The following DENND5B variants were observed in gnomAD, a reference collection of about 807,000 sequenced individuals.
DENND5B encodes DENN domain containing 5B, also known as DENN domain-containing protein 5B.
In DENND5B, 34 loss-of-function variants were observed where a neutral mutation model predicts 140.6. That is an observed-to-expected ratio of 0.24 (90% CI 0.18 to 0.32). DENND5B has a LOEUF of 0.32. Among genes scored for constraint, DENND5B ranks in the 10% least tolerant of loss-of-function variants. DENND5B has a pLI of 1.00. For synonymous variants in DENND5B, 551 were observed against 562.1 expected (o/e 0.98, Z 0.28); for missense variants, 1,142 against 1,560.2 (o/e 0.73, Z 4.52).
At chr12:31,467,689 T>C (rs915088920) in intron 3 of DENND5B, among the ~76,000 whole-genome samples, 1 of 152,166 alleles carries the variant, frequency 6.6e-6, no homozygotes, top group Non-Finnish European at 1.5e-5. Context: ...TAAAAATGTC[T>C]AATTTGAGGG....
intron 13 of DENND5B, among the ~76,000 whole-genome samples, chr12:31,411,340 T>C (rs1942451901): frequency 7.1e-6 from 1 of 140,666 alleles, no homozygotes; most frequent in Non-Finnish European, 1.6e-5. Flanking sequence ...CCCGGCCTTT[T>C]TTTTTTTTTT....
At chr12:31,479,429 G>C (rs1410938186) in intron 3 of DENND5B, among the ~76,000 whole-genome samples, 160 bp downstream of exon 3, 2 of 152,206 alleles carry the variant, frequency 1.3e-5, no homozygotes, top group Admixed American at 6.5e-5. Context: ...AGAAACAGCA[G>C]TCTCATCTCA....
At chr12:31,464,849 G>A (rs1358809626) in intron 3 of DENND5B, among the ~76,000 whole-genome samples, 1 of 152,186 alleles carries the variant, frequency 6.6e-6, no homozygotes, top group Non-Finnish European at 1.5e-5. Flanking sequence ...ACAGGCATGA[G>A]CCACTGTGCC....
At chr12:31,548,840 T>A (rs1029861063) in intron 1 of DENND5B, among the ~76,000 whole-genome samples, 18 of 152,308 alleles carry the variant, frequency 1.2e-4, no homozygotes, top group African/African-American at 3.8e-4. Flanking sequence ...TGGGTACAGC[T>A]GAAAACTGGT....
At chr12:31,587,538 T>A (rs1950438288) in intron 1 of DENND5B, among the ~76,000 whole-genome samples, 1 of 83,766 alleles carries the variant, frequency 1.2e-5, no homozygotes, top group African/African-American at 5.9e-5. Context: ...TTTTTTTTTT[T>A]TTTTTTTTTT....
chr12:31,488,338 A>T (rs928249858), intron 2 of DENND5B, among the ~76,000 whole-genome samples: 1 of 152,156 alleles, frequency 6.6e-6, no homozygotes, highest in African/African-American at 2.4e-5. Flanking sequence ...ACCAAAGTCA[A>T]CATAAAGATT....
In DENND5B at chr12:31,460,212, T is replaced by C; in HGVS notation, c.1074A>G (p.Lys358=). The change falls in exon 4 of 21, where the codon AAA becomes AAG. Residue 358 remains lysine, a synonymous_variant. Coordinates refer to ENST00000389082, the MANE Select transcript of DENND5B (RefSeq NM_144973.4). ...GTTTTACCTCTTGAGGAAGTTCTAG[T>C]TTAGAACGGTCAGTTCCTTCTTTTG... The part of the protein sequence containing the change: ...LQSKEGTDRS[K]LELPQEANLC... 6.2e-7 allele frequency: 1 copy of C among 1,613,134 alleles called. No individual in the cohort carries two copies. Among genetic ancestry groups the C allele is most frequent in the Non-Finnish European group, 8.5e-7 (1 of 1,179,546 alleles).
At chr12:31,562,550 G>A (rs1949511589) in intron 1 of DENND5B, among the ~76,000 whole-genome samples, 1 of 152,146 alleles carries the variant, frequency 6.6e-6, no homozygotes, top group Admixed American at 6.5e-5. Flanking sequence ...GGAGGTGGAG[G>A]TTGCGGTGAG....
rs1259560546 is a variant in DENND5B at position 31,407,130 on chromosome 12, T to TAA, written c.2803+2132_2803+2133insTT. Among the ~76,000 whole-genome samples, 11 of 147,838 alleles carry TAA rather than the reference T, an allele frequency of 7.4e-5. No homozygotes were observed. In the East Asian group the frequency reaches 9.8e-4, roughly 13 times the overall value. ...GATTTAATTAAATTAATTAATTAAT[T>TAA]TATTTATTTATTTATTTTGAGACGG... On this transcript the variant is annotated intron_variant, in intron 14 of 20. Coordinates refer to ENST00000389082, the MANE Select transcript of DENND5B (RefSeq NM_144973.4).
chr12:31,481,827 C>T (rs1159076186), intron 2 of DENND5B, among the ~76,000 whole-genome samples: 2 of 152,144 alleles, frequency 1.3e-5, no homozygotes, highest in African/African-American at 2.4e-5. Context: ...CTTAGCACAT[C>T]CATCTTGGAA....
chr12:31,390,734 C>G (rs1032030816), intron 19 of DENND5B, among the ~76,000 whole-genome samples: 1 of 146,016 alleles, frequency 6.8e-6, no homozygotes, highest in African/African-American at 2.5e-5. Flanking sequence ...AATCCTTTTA[C>G]AAAAATTGGC....
chr12:31,544,332 A>C (rs1948781949), intron 1 of DENND5B, among the ~76,000 whole-genome samples: 2 of 152,136 alleles, frequency 1.3e-5, no homozygotes, highest in African/African-American at 4.8e-5. Flanking sequence ...CCCATGCTGC[A>C]GTGCAGTGGC....
intron 1 of DENND5B, among the ~76,000 whole-genome samples, chr12:31,567,431 C>T (rs11831503): frequency 6.7e-6 from 1 of 148,826 alleles, no homozygotes. Flanking sequence ...ATGTTGCCTT[C>T]TAATTTGTCT....
chr12:31,489,670 G>C (rs955345243), intron 2 of DENND5B, among the ~76,000 whole-genome samples: 66 of 152,144 alleles, frequency 4.3e-4, no homozygotes, highest in Non-Finnish European at 6.5e-4. Context: ...CTGTTCTCAT[G>C]GTGCTTACAT....
chr12:31,551,713 A>G (rs1470608617), intron 1 of DENND5B, among the ~76,000 whole-genome samples: 6 of 152,152 alleles, frequency 3.9e-5, no homozygotes, highest in Non-Finnish European at 8.8e-5. Flanking sequence ...ATGTTCTTCC[A>G]TTTGTTTGTA....
intron 1 of DENND5B, chr12:31,500,279 T>C (rs1291879904): frequency 7.1e-6 from 3 of 425,260 alleles, no homozygotes; most frequent in Non-Finnish European, 9.2e-6. Flanking sequence ...ATTAGAATAC[T>C]GGCCTCAAAA....
intron 1 of DENND5B, among the ~76,000 whole-genome samples, chr12:31,501,730 G>A (rs139605209): frequency 0.01 from 1,430 of 142,354 alleles, 27 homozygotes; most frequent in African/African-American, 0.035. Flanking sequence ...CTGAGAACGC[G>A]CCACTGCACT....
intron 1 of DENND5B, among the ~76,000 whole-genome samples, chr12:31,501,085 G>A (rs2138823450): frequency 6.6e-6 from 1 of 152,284 alleles, no homozygotes; most frequent in Middle Eastern, 3.4e-3. Flanking sequence ...AAAAAAGACT[G>A]ATATGGTTTG....
chr12:31,501,985 T>C (rs1947025584), intron 1 of DENND5B, among the ~76,000 whole-genome samples: 1 of 151,978 alleles, frequency 6.6e-6, no homozygotes, highest in Admixed American at 6.6e-5. Context: ...ATTTTAGAAA[T>C]TACATTCCAG....
Sources: gnomAD v4.1 joint callset for allele counts (sites outside exome capture counted in the v4.1 genomes callset) on GRCh38, gnomAD v4.1.1 for gene constraint, MANE v1.5 for transcripts, NCBI Gene and HGNC (gene_info 2026-07-23, HGNC 2026-07-21) for gene names.